Variants in ELOVL3 observed in about 807,000 individuals in gnomAD.
ELOVL3 encodes the protein very long chain fatty acid elongase 3.
ELOVL3 carries 11 observed loss-of-function variants against 14.9 expected under a neutral mutation model. The ratio of observed to expected loss-of-function variants is 0.74; its 90% CI spans 0.46 to 1.22. ELOVL3 has a LOEUF of 1.22. Among genes scored for constraint, ELOVL3 ranks in the 50% most tolerant of loss-of-function variants. ELOVL3 has a pLI of 0.00. For missense variants in ELOVL3, 277 were observed against 338.9 expected (o/e 0.82, Z 1.43); for synonymous variants, 117 against 124.7 (o/e 0.94, Z 0.41).
At chr10:102,224,959 G>A (rs768495289), upstream of ELOVL3, among the ~76,000 whole-genome samples, 5 of 151,982 alleles carry the variant, frequency 3.3e-5, no homozygotes, top group Non-Finnish European at 7.4e-5. Context: ...CACCGTGCCC[G>A]GCCGAACCAC....
chr10:102,226,326 C>T lies in ELOVL3; in HGVS notation c.-223C>T, dbSNP rs2070134616. 2 of 513,456 alleles carry T rather than the reference C, an allele frequency of 3.9e-6. No homozygotes were observed. The highest frequency in any genetic ancestry group is 3.5e-6 in the Non-Finnish European group (1 of 288,158). 31.8% of individuals were successfully genotyped at this position (513,456 alleles called of 1,614,324 possible). A position where few individuals can be genotyped will look rare whatever the true frequency, so the allele number is the denominator to read the frequency against. On this transcript the variant is annotated 5_prime_UTR_variant, in exon 1 of 4. Transcript: ENST00000370005. ...AGGAAAGAGGTCGCGCCAGCCCGGGCAGGCAGCTTTGCAAGTCCGCGTTAT... is the reference window on the plus strand; with the variant it reads ...AGGAAAGAGGTCGCGCCAGCCCGGGTAGGCAGCTTTGCAAGTCCGCGTTAT...
At chr10:102,224,996 G>T (rs1052974820), upstream of ELOVL3, among the ~76,000 whole-genome samples, 3 of 152,164 alleles carry the variant, frequency 2.0e-5, no homozygotes, top group African/African-American at 7.2e-5. Flanking sequence ...GGAAAGCAGA[G>T]CTGTTTTCTG....
In ELOVL3 at chr10:102,229,149, T is replaced by C. The variant is rs1564990382; in HGVS notation, c.710T>C (p.Phe237Ser). 3 of 1,614,064 alleles carry C rather than the reference T, an allele frequency of 1.9e-6. No homozygotes were observed. The highest frequency in any genetic ancestry group is 2.5e-6 in the Non-Finnish European group (3 of 1,180,018). Residue 237 changes from phenylalanine to serine, a missense_variant, in exon 4 of 4, where the codon TTC (phenylalanine) becomes TCC (serine). By Grantham distance (155) the Phe-to-Ser change is radical. Transcript: ENST00000370005. The stretch of plus-strand genomic sequence containing the variant: ...TGCCACACCACGATGGAACACTTAT[T>C]CTGGTCCTTCATCTTGTATATGACC... The part of the protein sequence containing the change: ...QGCHTTMEHL[F>S]WSFILYMTYF...
rs1395709553 is a variant in ELOVL3, at chr10:102,226,533, AC to A, written c.-15del. ...CAGCGCCTCCAAGCTTTGGACCTTG[AC>A]TTCTGCAAAACTAGATGGTCACAGC... is the stretch of plus-strand genomic sequence containing the variant. On this transcript the variant is annotated 5_prime_UTR_variant, in exon 1 of 4. Transcript: ENST00000370005. 1.2e-6 allele frequency: 2 copies of A among 1,604,000 alleles called. No individual in the cohort carries two copies.
chr10:102,226,420 C>T lies in ELOVL3; in HGVS notation c.-129C>T, dbSNP rs756233882. ...GCACATGCCTAGGTTCGACGCCCTC[C>T]TCCCTTTGCCCAGGAGTTCCTTCTG... On this transcript the variant is annotated 5_prime_UTR_variant, in exon 1 of 4. Coordinates refer to ENST00000370005, the MANE Select transcript of ELOVL3 (RefSeq NM_152310.3). The T allele has an allele frequency of 4.7e-5, 30 of 634,058 alleles. No homozygotes were observed. Among genetic ancestry groups the T allele is most frequent in the Non-Finnish European group, 8.0e-5 (29 of 363,570 alleles). The allele number at this position is 634,058 out of a possible 1,614,324, so 39.3% of individuals were successfully genotyped here. A position where few individuals can be genotyped will look rare whatever the true frequency, so the allele number is the denominator to read the frequency against.
chr10:102,228,955 C>G lies in ELOVL3; in HGVS notation c.516C>G (p.Thr172=). 6 of 1,614,142 alleles carry G rather than the reference C, an allele frequency of 3.7e-6. No individual in the cohort carries two copies. Among genetic ancestry groups the G allele is most frequent in the Non-Finnish European group, 5.1e-6 (6 of 1,180,012 alleles). ...NKVPAGGWFV[T]MNFGVHAIMY... ...TGCCTGCAGGAGGCTGGTTCGTCAC[C>G]ATGAACTTTGGTGTTCATGCCATCA... The change falls in exon 4 of 4, where the codon ACC becomes ACG. Residue 172 remains threonine, a synonymous_variant. Coordinates refer to ENST00000370005, the MANE Select transcript of ELOVL3 (RefSeq NM_152310.3).
rs149213951 is a variant in ELOVL3, at chr10:102,227,016, C to T, written c.101+367C>T. 1.9e-4 allele frequency among the ~76,000 whole-genome samples: 29 copies of T among 152,126 alleles called. No individual in the cohort carries two copies. The East Asian group carries it at 4.9e-3, about 25-fold the overall frequency. Reference sequence around the variant, plus strand: ...CACAGTGCAGGGCCCGGGGGACAGCCTGCCCTTTACAATTATCCCATCGTT... The same window carrying T: ...CACAGTGCAGGGCCCGGGGGACAGCTTGCCCTTTACAATTATCCCATCGTT... On this transcript the variant is annotated intron_variant, in intron 1 of 3. Coordinates refer to ENST00000370005, the MANE Select transcript of ELOVL3 (RefSeq NM_152310.3).
At chr10:102,224,863 C>T (rs182078206), upstream of ELOVL3, among the ~76,000 whole-genome samples, 395 of 152,010 alleles carry the variant, frequency 2.6e-3, 2 homozygotes, top group African/African-American at 6.7e-3. Context: ...CGGGGTTTGA[C>T]GGTGTTAGCC....
chr10:102,225,692 G>C (rs1359104347), upstream of ELOVL3, among the ~76,000 whole-genome samples: 1 of 152,142 alleles, frequency 6.6e-6, no homozygotes, highest in African/African-American at 2.4e-5. Context: ...GAAGCCCAGA[G>C]GGTGACCCCA....
Position 102,228,481 on chromosome 10 carries a change from C to T in ELOVL3, c.298C>T (p.Gln100Ter). 2 of 1,614,152 alleles carry T rather than the reference C, an allele frequency of 1.2e-6. No individual in the cohort carries two copies. The highest frequency in any genetic ancestry group is 1.7e-6 in the Non-Finnish European group (2 of 1,180,018). The change falls in exon 3 of 4, where the codon CAA becomes TAA. Residue 100 changes from glutamine to a stop codon, truncating the protein, a stop_gained. Coordinates refer to ENST00000370005, the MANE Select transcript of ELOVL3 (RefSeq NM_152310.3). LOFTEE classifies it high-confidence loss of function. ...GTVLLTGGLK[Q>*]TVCFINFIDN... is the part of the protein sequence containing the mutation. ...TGTGCTACTTACCGGGGGCCTAAAG[C>T]AAACCGTGTGCTTCATCAACTTCAT...
At chr10:102,227,238 T>C (rs2070143142) in intron 1 of ELOVL3, among the ~76,000 whole-genome samples, 1 of 152,056 alleles carries the variant, frequency 6.6e-6, no homozygotes, top group Non-Finnish European at 1.5e-5. Flanking sequence ...GCCACAGCCC[T>C]GGTATGCTTC....
intron 2 of ELOVL3, 84 bp from the exon 3 acceptor site, chr10:102,228,333 C>T: frequency 6.7e-7 from 1 of 1,490,374 alleles, no homozygotes; most frequent in Non-Finnish European, 9.1e-7. Flanking sequence ...GCTTGGAACA[C>T]AGTAACCTGG....
chr10:102,228,571 G>A lies in ELOVL3; in HGVS notation c.385+3G>A. 2 of 1,613,920 alleles carry A rather than the reference G, an allele frequency of 1.2e-6. No homozygotes were observed. The highest frequency in any genetic ancestry group is 1.7e-6 in the Non-Finnish European group (2 of 1,179,892). On this transcript the variant is annotated splice_donor_region_variant and intron_variant, in intron 3 of 3. Coordinates refer to ENST00000370005, the MANE Select transcript of ELOVL3 (RefSeq NM_152310.3). ...TCTCAGCAAGGTCATAGAACTCGGTGAGTGGCAAAGCTTTGTCTTTCTGGT... is the reference window on the plus strand; with the variant it reads ...TCTCAGCAAGGTCATAGAACTCGGTAAGTGGCAAAGCTTTGTCTTTCTGGT...
chr10:102,226,172 G>A (rs577264610), upstream of ELOVL3, among the ~76,000 whole-genome samples: 1 of 152,324 alleles, frequency 6.6e-6, no homozygotes, highest in Non-Finnish European at 1.5e-5. Flanking sequence ...GGCCTACGAC[G>A]GGACTTGGGG....
chr10:102,226,273 T>C (rs1159918905), upstream of ELOVL3: 1 of 412,130 alleles, frequency 2.4e-6, no homozygotes, highest in East Asian at 5.3e-5. Context: ...AGGCGTATCT[T>C]GGTCGAGATT....
chr10:102,228,614 C>T (rs759217253), intron 3 of ELOVL3, 46 bp downstream of exon 3: 9 of 1,603,930 alleles, frequency 5.6e-6, no homozygotes, highest in African/African-American at 1.3e-5. Flanking sequence ...GAACTGCATC[C>T]TTCCTCAGGG....
rs138703129 is a variant in ELOVL3, at chr10:102,228,480, G to A, written c.297G>A (p.Lys99=). 1.9e-6 allele frequency: 3 copies of A among 1,614,056 alleles called. No individual in the cohort carries two copies. The highest frequency in any genetic ancestry group is 2.7e-5 in the African/African-American group (2 of 74,902). The change falls in exon 3 of 4, where the codon AAG becomes AAA. Residue 99 remains lysine (K), a synonymous_variant. Transcript: ENST00000370005. Reference sequence around the variant, plus strand: ...CTGTGCTACTTACCGGGGGCCTAAAGCAAACCGTGTGCTTCATCAACTTCA... The same window carrying A: ...CTGTGCTACTTACCGGGGGCCTAAAACAAACCGTGTGCTTCATCAACTTCA... ...MGTVLLTGGL[K]QTVCFINFID...
chr10:102,225,633 C>G (rs541153199), upstream of ELOVL3, among the ~76,000 whole-genome samples: 2 of 152,268 alleles, frequency 1.3e-5, no homozygotes, highest in African/African-American at 2.4e-5. Flanking sequence ...GGCTCTCCCC[C>G]TCCCTAAACC....
intron 1 of ELOVL3, 43 bp downstream of exon 1, chr10:102,226,692 G>C: frequency 6.9e-7 from 1 of 1,457,880 alleles, no homozygotes; most frequent in Non-Finnish European, 9.6e-7. Context: ...GGGCCCCGGG[G>C]CCGGGGCGCG....
Sources: gnomAD v4.1 joint callset for allele counts (sites outside exome capture counted in the v4.1 genomes callset) on GRCh38, gnomAD v4.1.1 for gene constraint, MANE v1.5 for transcripts, NCBI Gene and HGNC (gene_info 2026-07-23, HGNC 2026-07-21) for gene names.